Variants in ERO1B observed in about 807,000 individuals in gnomAD.
The protein encoded by ERO1B is ERO1-like protein beta.
ERO1B carries 49 observed loss-of-function variants against 75.3 expected under a neutral mutation model. The observed-to-expected ratio is 0.65, with a 90% CI of 0.52 to 0.83. The LOEUF is 0.83. ERO1B is among the 40% of genes least tolerant of loss of function. The pLI is 0.00. For missense variants in ERO1B, 512 were observed against 560.1 expected (o/e 0.91, Z 0.87); for synonymous variants, 191 against 192.9 (o/e 0.99, Z 0.08).
chr1:236,262,334 C>G (rs535029544), intron 2 of ERO1B, among the ~76,000 whole-genome samples: 3 of 152,292 alleles, frequency 2.0e-5, no homozygotes, highest in South Asian at 2.1e-4. Flanking sequence ...AAATGCTCTT[C>G]CCCAGGTATC....
At chr1:236,264,909 T>C (rs1665397552) in intron 2 of ERO1B, among the ~76,000 whole-genome samples, 1 of 152,090 alleles carries the variant, frequency 6.6e-6, no homozygotes, top group African/African-American at 2.4e-5. Context: ...CAATGCACAC[T>C]ATCCGGGCGA....
At chr1:236,257,287 T>A (rs953470497) in intron 2 of ERO1B, among the ~76,000 whole-genome samples, 3 of 152,156 alleles carry the variant, frequency 2.0e-5, no homozygotes, top group Admixed American at 6.5e-5. Flanking sequence ...TTTTATATAA[T>A]ACACAGAAAC....
chr1:236,281,583 C>CGGCCCTGCCT (rs1229736809), intron 1 of ERO1B, 99 bp downstream of exon 1: 4 of 892,634 alleles, frequency 4.5e-6, no homozygotes, highest in East Asian at 3.3e-5. Flanking sequence ...TTTTCTGGCC[C>CGGCCCTGCCT]GGCCCTGCCC....
chr1:236,254,954 G>C (rs1204342109), intron 2 of ERO1B, among the ~76,000 whole-genome samples: 1 of 147,784 alleles, frequency 6.8e-6, no homozygotes, highest in Non-Finnish European at 1.5e-5. Flanking sequence ...ACAGAGTCTT[G>C]CTCTGTTACC....
chr1:236,260,938 A>G (rs1665281397), intron 2 of ERO1B, among the ~76,000 whole-genome samples: 2 of 152,166 alleles, frequency 1.3e-5, no homozygotes, highest in Non-Finnish European at 2.9e-5. Flanking sequence ...ACCAAATCCA[A>G]GAGCATAGTA....
chr1:236,231,061 T>C (rs1485497895), intron 9 of ERO1B, among the ~76,000 whole-genome samples: 1 of 150,630 alleles, frequency 6.6e-6, no homozygotes, highest in Admixed American at 6.7e-5. Flanking sequence ...TCCAAGAAAA[T>C]AAGGAATTAT....
intron 1 of ERO1B, among the ~76,000 whole-genome samples, chr1:236,281,050 C>G (rs1173934443): frequency 1.3e-5 from 2 of 152,238 alleles, no homozygotes; most frequent in Non-Finnish European, 2.9e-5. Flanking sequence ...ACGCCCCACT[C>G]AGACCCCCCC....
chr1:236,247,570 A>G (rs754105819), intron 5 of ERO1B, among the ~76,000 whole-genome samples: 3 of 152,174 alleles, frequency 2.0e-5, no homozygotes, highest in Non-Finnish European at 4.4e-5. Context: ...CTTCTGCAAC[A>G]TATCAGGCTC....
chr1:236,239,340 T>C (rs1228599243), intron 6 of ERO1B, among the ~76,000 whole-genome samples: 3 of 152,158 alleles, frequency 2.0e-5, no homozygotes, highest in African/African-American at 7.2e-5. Context: ...ACATACTGCT[T>C]TCACACTATT....
chr1:236,228,493 ACATCTGC>A (rs1664328061), intron 10 of ERO1B, among the ~76,000 whole-genome samples: 1 of 152,196 alleles, frequency 6.6e-6, no homozygotes, highest in African/African-American at 2.4e-5. Context: ...CTCTGAAGTG[ACATCTGC>A]AAAAGCTGAC....
chr1:236,270,166 C>T (rs1266200332), intron 1 of ERO1B, among the ~76,000 whole-genome samples, 172 bp from the exon 2 acceptor site: 1 of 152,128 alleles, frequency 6.6e-6, no homozygotes, highest in Non-Finnish European at 1.5e-5. Flanking sequence ...AGATAAAAAA[C>T]AATAGAAAGA....
At chr1:236,223,129 G>C (rs1203568090) in intron 13 of ERO1B, among the ~76,000 whole-genome samples, 1 of 151,248 alleles carries the variant, frequency 6.6e-6, no homozygotes, top group Non-Finnish European at 1.5e-5. Context: ...TTGAACCCGG[G>C]AGGTGGAGGT....
intron 2 of ERO1B, among the ~76,000 whole-genome samples, chr1:236,267,557 T>G (rs1308788421): frequency 2.6e-5 from 4 of 152,232 alleles, no homozygotes; most frequent in Non-Finnish European, 5.9e-5. Flanking sequence ...AGATGTGAAC[T>G]GGACCACTTG....
intron 6 of ERO1B, among the ~76,000 whole-genome samples, chr1:236,241,653 T>TA (rs1285048463): frequency 1.3e-5 from 2 of 152,230 alleles, no homozygotes; most frequent in Non-Finnish European, 2.9e-5. Context: ...ACCATGGTTT[T>TA]ATAAGAATAT....
chr1:236,236,700 G>A (rs902293559), intron 6 of ERO1B, among the ~76,000 whole-genome samples: 3 of 152,144 alleles, frequency 2.0e-5, no homozygotes, highest in East Asian at 1.9e-4. Flanking sequence ...CATTTCTTAA[G>A]TTTTAACCAC....
chr1:236,226,140 GATCACTTTCCTTT>G, intron 12 of ERO1B, 116 bp downstream of exon 12: 1 of 866,120 alleles, frequency 1.2e-6, no homozygotes, highest in South Asian at 1.8e-5. Flanking sequence ...TTGTTCTATT[GATCACTTTCCTTT>G]TCTGTTCTAC....
At chr1:236,249,760 T>C in intron 5 of ERO1B, 125 bp downstream of exon 5, 1 of 653,982 alleles carries the variant, frequency 1.5e-6, no homozygotes. Flanking sequence ...AAAAACTTTT[T>C]CTTCCTTTTA....
Position 236,227,890 on chromosome 1 carries a change from T to C in ERO1B, c.713-1151A>G, listed in dbSNP as rs2764566. ...TGTCATGGATGGGGACCAAAAGAAA[T>C]TGAATTTTATTTTGTAGCTTCCTCC... is the stretch of plus-strand genomic sequence containing the variant. On this transcript the variant is annotated intron_variant, in intron 10 of 15. Transcript: ENST00000354619. Among the ~76,000 whole-genome samples the C allele has an allele frequency of 9.9e-3, 1,506 of 152,314 alleles. 33 individuals carry two copies. The highest frequency in any genetic ancestry group is 0.034 in the African/African-American group (1,426 of 41,564).
At chr1:236,239,916 T>C (rs1299206568) in intron 6 of ERO1B, among the ~76,000 whole-genome samples, 2 of 143,706 alleles carry the variant, frequency 1.4e-5, no homozygotes, top group African/African-American at 5.1e-5. Flanking sequence ...TATATATTTT[T>C]TTTTTTTGCG....
Sources: gnomAD v4.1 joint callset for allele counts (sites outside exome capture counted in the v4.1 genomes callset) on GRCh38, gnomAD v4.1.1 for gene constraint, MANE v1.5 for transcripts, NCBI Gene and HGNC (gene_info 2026-07-23, HGNC 2026-07-21) for gene names.